Variants in BACH1 observed in about 807,000 individuals in gnomAD.
BACH1 encodes transcription regulator protein BACH1.
In BACH1, 35 loss-of-function variants were observed where a neutral mutation model predicts 52.9. The observed-to-expected ratio is 0.66, with a 90% CI of 0.51 to 0.88. The LOEUF (loss-of-function observed/expected upper bound fraction) is 0.88. Ranked by LOEUF, BACH1 falls within the 40% of genes least tolerant of loss-of-function variation. The pLI is 0.00. For synonymous variants in BACH1, 321 were observed against 319.6 expected (o/e 1.00, Z -0.05); for missense variants, 808 against 872.6 (o/e 0.93, Z 0.93).
intron 4 of BACH1, among the ~76,000 whole-genome samples, chr21:29,334,476 T>C (rs1403175290): frequency 6.6e-6 from 1 of 152,224 alleles, no homozygotes; most frequent in African/African-American, 2.4e-5. Flanking sequence ...CTTGTCTATG[T>C]AGCTTTCTTT....
intron 4 of BACH1, among the ~76,000 whole-genome samples, chr21:29,330,955 TAA>T (rs940718844): frequency 6.9e-6 from 1 of 144,894 alleles, no homozygotes. Flanking sequence ...TGAGAGATGT[TAA>T]AAAAAAAAAC....
chr21:29,303,457 G>C (rs1030681157), intron 1 of BACH1, among the ~76,000 whole-genome samples: 1 of 152,210 alleles, frequency 6.6e-6, no homozygotes, highest in Non-Finnish European at 1.5e-5. Context: ...GTTCATTCTA[G>C]TTCTGTGATT....
intron 1 of BACH1, among the ~76,000 whole-genome samples, chr21:29,317,892 CAGTG>C (rs2088806633): frequency 6.6e-6 from 1 of 152,020 alleles, no homozygotes; most frequent in South Asian, 2.1e-4. Flanking sequence ...GGAACCGAGA[CAGTG>C]AGGTTAAGCA....
intron 2 of BACH1, among the ~76,000 whole-genome samples, chr21:29,354,855 A>G (rs1000161209): frequency 8.5e-5 from 13 of 152,202 alleles, no homozygotes; most frequent in Admixed American, 2.0e-4. Flanking sequence ...TGAGAGGAAA[A>G]GCTTGCCTGA....
At chr21:29,304,158 C>G (rs1375290100) in intron 1 of BACH1, among the ~76,000 whole-genome samples, 2 of 146,164 alleles carry the variant, frequency 1.4e-5, no homozygotes, top group Non-Finnish European at 3.0e-5. Context: ...TGGAGTATCA[C>G]TCTGTCGCTC....
Position 29,326,576 on chromosome 21 carries a change from C to G in BACH1, c.752C>G (p.Ala251Gly). 6.2e-7 allele frequency: 1 copy of G among 1,614,196 alleles called. No homozygotes were observed. The highest frequency in any genetic ancestry group is 8.5e-7 in the Non-Finnish European group (1 of 1,180,036). ...GAATCTAGTGTCAAAGACATTCATGCTTCTGTTCAGCCAAATGAAAGGTCT... is the reference window on the plus strand; with the variant it reads ...GAATCTAGTGTCAAAGACATTCATGGTTCTGTTCAGCCAAATGAAAGGTCT... ...TGESSVKDIH[A>G]SVQPNERSEN... Residue 251 changes from alanine to glycine, a missense_variant, in exon 3 of 5, where the codon GCT becomes GGT. Physicochemically the swap from Ala to Gly is moderately conservative, Grantham distance 60. Transcript: ENST00000286800.
intron 4 of BACH1, among the ~76,000 whole-genome samples, chr21:29,340,755 T>C (rs2089101609): frequency 6.6e-6 from 1 of 152,184 alleles, no homozygotes. Flanking sequence ...GATTGGCTTC[T>C]GAGAGACCAT....
At position 29,326,258 on chromosome 21, in the gene BACH1, G is replaced by T. The variant is rs377428491; in HGVS notation, c.434G>T (p.Cys145Phe). The change falls in exon 3 of 5, where the codon TGC (cysteine) becomes TTC (phenylalanine). Residue 145 changes from cysteine (C) to phenylalanine (F), a missense_variant. By Grantham distance (205) the Cys-to-Phe change is radical. Transcript: ENST00000286800. ...CAGCAAGAATGCCCAAGAAAAAAAT[G>T]CTTTTCATCACACTGTCAGAAAACA... ...ADQQECPRKK[C>F]FSSHCQKTDL... The T allele has an allele frequency of 6.2e-7, 1 of 1,613,952 alleles. No homozygotes were observed. The highest frequency in any genetic ancestry group is 8.5e-7 in the Non-Finnish European group (1 of 1,180,002).
chr21:29,341,242 T>C (rs534817778), intron 4 of BACH1, among the ~76,000 whole-genome samples: 7 of 152,342 alleles, frequency 4.6e-5, no homozygotes, highest in Admixed American at 2.0e-4. Flanking sequence ...ATGGCACTTA[T>C]AGATTAGCAC....
At chr21:29,332,878 G>C (rs1286381863) in intron 4 of BACH1, among the ~76,000 whole-genome samples, 1 of 152,186 alleles carries the variant, frequency 6.6e-6, no homozygotes, top group Admixed American at 6.5e-5. Context: ...TTTCTGGGCA[G>C]GCACAGCAGA....
chr21:29,338,820 A>C (rs1601365928), intron 4 of BACH1, among the ~76,000 whole-genome samples: 1 of 151,824 alleles, frequency 6.6e-6, no homozygotes, highest in African/African-American at 2.4e-5. Context: ...CATTTTCATT[A>C]GTTTCTGGAT....
chr21:29,298,974 G>C (rs1406773189), intron 1 of BACH1, 21 bp downstream of exon 1: 1 of 151,770 alleles, frequency 6.6e-6, no homozygotes, highest in Non-Finnish European at 1.5e-5. Context: ...CGGCCGTCCC[G>C]CCGGCCCTTC....
chr21:29,336,803 C>G (rs2089050778), intron 4 of BACH1, among the ~76,000 whole-genome samples: 1 of 152,078 alleles, frequency 6.6e-6, no homozygotes, highest in Non-Finnish European at 1.5e-5. Context: ...TCCCGAATAG[C>G]TAGGACTACA....
intron 2 of BACH1, among the ~76,000 whole-genome samples, chr21:29,359,787 C>A (rs1156664393): frequency 6.6e-6 from 1 of 152,146 alleles, no homozygotes; most frequent in Non-Finnish European, 1.5e-5. Flanking sequence ...AAGATCTTTA[C>A]CCTAAAACAG....
At chr21:29,325,373 G>C (rs1228505376) in intron 2 of BACH1, among the ~76,000 whole-genome samples, 1 of 152,120 alleles carries the variant, frequency 6.6e-6, no homozygotes, top group African/African-American at 2.4e-5. Context: ...ACTTTAAGAG[G>C]CAGGTTTAAT....
At chr21:29,322,682 C>T (rs1348441741) in intron 2 of BACH1, among the ~76,000 whole-genome samples, 3 of 152,168 alleles carry the variant, frequency 2.0e-5, no homozygotes, top group African/African-American at 7.2e-5. Context: ...CAGTTGGATA[C>T]GGTTGGATAA....
chr21:29,311,795 A>C (rs1358288392), intron 1 of BACH1, among the ~76,000 whole-genome samples: 1 of 152,178 alleles, frequency 6.6e-6, no homozygotes, highest in Admixed American at 6.5e-5. Flanking sequence ...GTTGTATGGA[A>C]ATACCATTCC....
chr21:29,348,538 A>G (rs2089184032), downstream of BACH1, among the ~76,000 whole-genome samples: 1 of 152,120 alleles, frequency 6.6e-6, no homozygotes, highest in African/African-American at 2.4e-5. Context: ...CGTGATCCTA[A>G]TTTCTATTGG....
At chr21:29,342,292 A>C in intron 4 of BACH1, 107 bp from the exon 5 acceptor site, 1 of 1,126,564 alleles carries the variant, frequency 8.9e-7, no homozygotes. Flanking sequence ...GATAAACTCC[A>C]TGTGATCTTA....
Sources: gnomAD v4.1 joint callset for allele counts (sites outside exome capture counted in the v4.1 genomes callset) on GRCh38, gnomAD v4.1.1 for gene constraint, MANE v1.5 for transcripts, NCBI Gene and HGNC (gene_info 2026-07-23, HGNC 2026-07-21) for gene names.